The following NRG3 variants were observed in gnomAD, a reference collection of about 807,000 sequenced individuals.
The protein encoded by NRG3 is pro-neuregulin-3, membrane-bound isoform.
Under a neutral mutation model 66.9 loss-of-function variants are expected in NRG3, and 31 were observed. That is an observed-to-expected ratio of 0.46 (90% CI 0.35 to 0.63). NRG3 has a LOEUF of 0.63. Among genes scored for constraint, NRG3 ranks in the 20% least tolerant of loss-of-function variants. NRG3 has a pLI of 0.00. For synonymous variants in NRG3, 393 were observed against 359.4 expected (o/e 1.09, Z -1.06); for missense variants, 910 against 878.9 (o/e 1.04, Z -0.45).
chr10:82,916,169 T>G (rs1450700891), intron 4 of NRG3, among the ~76,000 whole-genome samples: 2 of 152,224 alleles, frequency 1.3e-5, no homozygotes, highest in Non-Finnish European at 2.9e-5. Flanking sequence ...GTTGGGGCAA[T>G]GCCTGAGCAC....
At chr10:82,233,059 C>G (rs1183581105) in intron 1 of NRG3, 1 of 483,934 alleles carries the variant, frequency 2.1e-6, no homozygotes, top group Non-Finnish European at 3.7e-6. Flanking sequence ...TCAGGCTGGT[C>G]CCTTTCCTAT....
intron 6 of NRG3, among the ~76,000 whole-genome samples, chr10:82,965,484 C>T (rs1180662878): frequency 6.6e-6 from 1 of 152,038 alleles, no homozygotes; most frequent in Non-Finnish European, 1.5e-5. Flanking sequence ...ACGTATGATC[C>T]CAGCACTTTG....
chr10:82,760,587 C>A (rs886671629), intron 3 of NRG3, among the ~76,000 whole-genome samples: 32 of 151,794 alleles, frequency 2.1e-4, no homozygotes, highest in African/African-American at 7.5e-4. Context: ...AGCCTAATAA[C>A]AGAATAAGAA....
chr10:82,189,798 T>A (rs1001564933), intron 1 of NRG3, among the ~76,000 whole-genome samples: 4 of 147,886 alleles, frequency 2.7e-5, no homozygotes, highest in African/African-American at 7.5e-5. Context: ...CCATAAAAAA[T>A]AAATAAATAA....
chr10:82,217,006 G>A (rs1212478647), intron 1 of NRG3, among the ~76,000 whole-genome samples: 1 of 152,074 alleles, frequency 6.6e-6, no homozygotes, highest in Non-Finnish European at 1.5e-5. Flanking sequence ...AACAAATCCT[G>A]TTGCTCACTT....
intron 2 of NRG3, among the ~76,000 whole-genome samples, chr10:82,642,511 C>T (rs2050653619): frequency 1.3e-5 from 2 of 151,642 alleles, no homozygotes; most frequent in African/African-American, 4.8e-5. Context: ...ACTTCTAGAT[C>T]CAACTACTAA....
chr10:82,090,957 A>G (rs192537200), intron 1 of NRG3, among the ~76,000 whole-genome samples: 100 of 152,280 alleles, frequency 6.6e-4, no homozygotes, highest in Admixed American at 1.2e-3. Flanking sequence ...GTTACACAGG[A>G]GCATAACGGT....
chr10:82,062,405 A>G (rs2064204603), intron 1 of NRG3, among the ~76,000 whole-genome samples: 1 of 152,074 alleles, frequency 6.6e-6, no homozygotes, highest in African/African-American at 2.4e-5. Context: ...TAGGAGTTTG[A>G]GAGCAGCCTG....
chr10:81,904,954 A>T (rs1844443243), intron 1 of NRG3, among the ~76,000 whole-genome samples: 1 of 152,210 alleles, frequency 6.6e-6, no homozygotes, highest in African/African-American at 2.4e-5. Context: ...GAAAAAAATA[A>T]GAGCTTCTCT....
intron 2 of NRG3, among the ~76,000 whole-genome samples, chr10:82,480,722 A>C (rs906277592): frequency 1.3e-5 from 2 of 152,334 alleles, no homozygotes; most frequent in African/African-American, 4.8e-5. Context: ...GCACAAGAGA[A>C]AACTAAGCCA....
chr10:82,559,888 G>A (rs917502227), intron 2 of NRG3, among the ~76,000 whole-genome samples: 2 of 151,740 alleles, frequency 1.3e-5, no homozygotes, highest in Non-Finnish European at 2.9e-5. Context: ...ATTCTCTTGA[G>A]GCCTAAATAT....
intron 2 of NRG3, among the ~76,000 whole-genome samples, chr10:82,630,795 A>T (rs917214874): frequency 6.6e-6 from 1 of 152,214 alleles, no homozygotes; most frequent in Non-Finnish European, 1.5e-5. Flanking sequence ...TTTAATGGCT[A>T]TGTAATATTC....
chr10:82,433,239 G>A (rs960666099), intron 2 of NRG3, among the ~76,000 whole-genome samples: 2 of 152,120 alleles, frequency 1.3e-5, no homozygotes, highest in Middle Eastern at 3.4e-3. Flanking sequence ...TTTTTCATAT[G>A]TTCGATGGCC....
At chr10:82,971,860 T>A (rs1331796049) in intron 6 of NRG3, among the ~76,000 whole-genome samples, 3 of 152,204 alleles carry the variant, frequency 2.0e-5, no homozygotes, top group Admixed American at 1.3e-4. Flanking sequence ...TTAAAATGCA[T>A]TTTATACATA....
At chr10:82,444,573 G>A in intron 2 of NRG3, among the ~76,000 whole-genome samples, 1 of 152,082 alleles carries the variant, frequency 6.6e-6, no homozygotes, top group East Asian at 1.9e-4. Flanking sequence ...GTGGAGGGGG[G>A]AAAATGAGGG....
intron 1 of NRG3, among the ~76,000 whole-genome samples, chr10:82,278,930 T>C (rs1007006118): frequency 2.0e-5 from 3 of 152,140 alleles, no homozygotes; most frequent in African/African-American, 4.8e-5. Context: ...GTGAGTTAGG[T>C]GTCTGCTTCG....
chr10:82,056,415 A>G (rs1408858919), intron 1 of NRG3, among the ~76,000 whole-genome samples: 1 of 152,152 alleles, frequency 6.6e-6, no homozygotes, highest in African/African-American at 2.4e-5. Flanking sequence ...AAAAGGATGG[A>G]GTGGTTAGTT....
At chr10:82,657,628 G>A (rs2051974751) in intron 2 of NRG3, among the ~76,000 whole-genome samples, 1 of 151,528 alleles carries the variant, frequency 6.6e-6, no homozygotes, top group Non-Finnish European at 1.5e-5. Flanking sequence ...GGAAATACAG[G>A]CTAACACTTG....
intron 2 of NRG3, among the ~76,000 whole-genome samples, chr10:82,563,405 A>G (rs1364115298): frequency 6.6e-6 from 1 of 152,114 alleles, no homozygotes; most frequent in East Asian, 1.9e-4. Flanking sequence ...TTTTGCATCA[A>G]TAATCATTAT....
Sources: gnomAD v4.1 joint callset for allele counts (sites outside exome capture counted in the v4.1 genomes callset) on GRCh38, gnomAD v4.1.1 for gene constraint, MANE v1.5 for transcripts, NCBI Gene and HGNC (gene_info 2026-07-23, HGNC 2026-07-21) for gene names.